SORCS1: variants seen among roughly 807,000 people sequenced by gnomAD.
SORCS1 encodes VPS10 domain-containing receptor SorCS1.
Under a neutral mutation model 146.1 loss-of-function variants are expected in SORCS1, and 60 were observed. That is an observed-to-expected ratio of 0.41 (90% confidence interval 0.33 to 0.51). The LOEUF is 0.51. SORCS1 is among the 20% of genes least tolerant of loss of function. The probability of loss-of-function intolerance (pLI) is 0.21; values close to 1 mark genes in which losing one functional copy is unlikely to be tolerated. For missense variants in SORCS1, 1,352 were observed against 1,487.6 expected, an observed-to-expected ratio of 0.91 and a Z score of 1.50; for synonymous variants, 637 against 584.0, an observed-to-expected ratio of 1.09 and a Z score of -1.31.
At chr10:106,934,877 A>G (rs1953629622) in intron 2 of SORCS1, among the ~76,000 whole-genome samples, 1 of 152,194 alleles carries the variant, frequency 6.6e-6, no homozygotes. Context: ...ACATAAAGGC[A>G]TACAGAGTGA....
intron 2 of SORCS1, among the ~76,000 whole-genome samples, chr10:106,932,292 G>A (rs142674537): frequency 6.6e-6 from 1 of 152,160 alleles, no homozygotes; most frequent in African/African-American, 2.4e-5. Context: ...AAAGTAGAAA[G>A]CATTGTCTTG....
chr10:106,728,457 C>A (rs985138742), intron 6 of SORCS1, among the ~76,000 whole-genome samples: 3 of 152,286 alleles, frequency 2.0e-5, no homozygotes, highest in Middle Eastern at 3.4e-3. Context: ...GTGTCAGGCA[C>A]AGTGCTGGGC....
At chr10:107,134,277 T>C (rs1320880762) in intron 1 of SORCS1, among the ~76,000 whole-genome samples, 3 of 152,200 alleles carry the variant, frequency 2.0e-5, no homozygotes, top group Non-Finnish European at 2.9e-5. Context: ...TTTTAAACTT[T>C]ACGCTTTTAA....
intron 5 of SORCS1, among the ~76,000 whole-genome samples, chr10:106,731,061 G>A (rs921681196): frequency 6.6e-6 from 1 of 151,584 alleles, no homozygotes; most frequent in African/African-American, 2.4e-5. Flanking sequence ...TGTAATCCCA[G>A]CACTTTGGGA....
At chr10:107,022,969 C>T (rs533085793) in intron 1 of SORCS1, among the ~76,000 whole-genome samples, 2 of 152,294 alleles carry the variant, frequency 1.3e-5, no homozygotes, top group Admixed American at 6.5e-5. Flanking sequence ...TGAAAGGCTT[C>T]GGCTCCATAG....
At chr10:106,696,445 C>T (rs774254132) in intron 9 of SORCS1, among the ~76,000 whole-genome samples, 70 of 152,170 alleles carry the variant, frequency 4.6e-4, no homozygotes, top group Non-Finnish European at 5.3e-4. Context: ...TCAGCAGATA[C>T]GGCACTGCCG....
chr10:106,986,294 C>T (rs755781648), intron 1 of SORCS1, among the ~76,000 whole-genome samples: 7 of 151,476 alleles, frequency 4.6e-5, no homozygotes, highest in Non-Finnish European at 8.8e-5. Flanking sequence ...TACAAACACA[C>T]GTGTAAAAAA....
intron 2 of SORCS1, among the ~76,000 whole-genome samples, chr10:106,931,564 G>T (rs566746785): frequency 2.6e-5 from 4 of 152,302 alleles, no homozygotes; most frequent in Admixed American, 2.6e-4. Context: ...ACAGATGTTT[G>T]CTCGTTTGTA....
chr10:107,059,836 C>T (rs1035559321), intron 1 of SORCS1, among the ~76,000 whole-genome samples: 4 of 151,494 alleles, frequency 2.6e-5, no homozygotes, highest in East Asian at 3.9e-4. Context: ...AGTAGAGACC[C>T]TACTTTATTT....
chr10:106,967,206 C>T (rs1955536210), intron 1 of SORCS1, among the ~76,000 whole-genome samples: 2 of 151,894 alleles, frequency 1.3e-5, no homozygotes, highest in Non-Finnish European at 2.9e-5. Flanking sequence ...TCCTCCCCTG[C>T]CACCTCCTTC....
At chr10:106,655,194 C>A (rs1850192029) in intron 17 of SORCS1, among the ~76,000 whole-genome samples, 1 of 151,962 alleles carries the variant, frequency 6.6e-6, no homozygotes, top group African/African-American at 2.4e-5. Context: ...TTTGTAGTTG[C>A]TTTTAAGTAT....
chr10:106,841,038 T>C (rs1260397914), intron 2 of SORCS1, among the ~76,000 whole-genome samples: 3 of 151,402 alleles, frequency 2.0e-5, no homozygotes, highest in African/African-American at 7.3e-5. Flanking sequence ...TGCATTTTAA[T>C]AGAGACGGGG....
intron 2 of SORCS1, among the ~76,000 whole-genome samples, chr10:106,908,159 C>T (rs1365326053): frequency 6.6e-6 from 1 of 152,088 alleles, no homozygotes; most frequent in Admixed American, 6.5e-5. Context: ...AATCCCTGGA[C>T]TCTAAATGGC....
intron 5 of SORCS1, among the ~76,000 whole-genome samples, chr10:106,759,688 C>A (rs571457483): frequency 1.3e-5 from 2 of 152,148 alleles, no homozygotes; most frequent in Non-Finnish European, 2.9e-5. Context: ...GGGGGATGAA[C>A]TGAGGCAGTT....
chr10:106,597,539 G>A, intron 23 of SORCS1, 89 bp from the exon 24 acceptor site: 1 of 988,556 alleles, frequency 1.0e-6, no homozygotes. Flanking sequence ...TTTCACCAAG[G>A]TATCACAATA....
At chr10:106,705,381 C>T (rs971221195) in intron 8 of SORCS1, among the ~76,000 whole-genome samples, 3 of 152,076 alleles carry the variant, frequency 2.0e-5, no homozygotes, top group Admixed American at 1.3e-4. Flanking sequence ...GAAACCAGAA[C>T]AATCTGTTAC....
intron 3 of SORCS1, among the ~76,000 whole-genome samples, chr10:106,795,139 A>G (rs975443567): frequency 6.6e-6 from 1 of 152,256 alleles, no homozygotes; most frequent in Non-Finnish European, 1.5e-5. Context: ...TAAGAATTCA[A>G]TAGTCATGTA....
intron 1 of SORCS1, among the ~76,000 whole-genome samples, chr10:107,118,696 T>A (rs1353455929): frequency 1.3e-4 from 20 of 152,188 alleles, no homozygotes; most frequent in Admixed American, 9.2e-4. Context: ...CATTTCTACT[T>A]CCTTTCAGAC....
At chr10:106,714,874 T>G (rs933719271) in intron 6 of SORCS1, among the ~76,000 whole-genome samples, 2 of 152,160 alleles carry the variant, frequency 1.3e-5, no homozygotes, top group African/African-American at 4.8e-5. Context: ...GCTGTTGAGC[T>G]GTGCAATAAG....
Sources: allele counts gnomAD v4.1 joint callset (sites outside exome capture counted in the v4.1 genomes callset), GRCh38; gene constraint gnomAD v4.1.1; transcripts MANE v1.5; gene names NCBI Gene and HGNC (gene_info 2026-07-23, HGNC 2026-07-21).